Variants in OSBPL11 observed in about 807,000 individuals in gnomAD.
OSBPL11 encodes the protein oxysterol-binding protein-related protein 11.
OSBPL11 carries 33 observed loss-of-function variants against 84.4 expected under a neutral mutation model. The observed-to-expected ratio is 0.39, with a 90% CI of 0.30 to 0.52. The LOEUF is 0.52. Among genes scored for constraint, OSBPL11 ranks in the 20% least tolerant of loss-of-function variants. OSBPL11 has a pLI of 0.72. For missense variants in OSBPL11, 736 were observed against 901.1 expected, an observed-to-expected ratio of 0.82 and a Z score of 2.35; for synonymous variants, 276 against 310.2, an observed-to-expected ratio of 0.89 and a Z score of 1.16.
At chr3:125,552,131 ATG>A (rs753284839) in intron 9 of OSBPL11, 48 bp downstream of exon 9, 63 of 950,758 alleles carry the variant, frequency 6.6e-5, no homozygotes, top group Non-Finnish European at 7.5e-5. Context: ...ACATATATAT[ATG>A]TGTGTGTGTA....
In OSBPL11 at chr3:125,560,477, A is replaced by G; in HGVS notation, c.1057T>C (p.Cys353Arg). 1 of 1,605,096 alleles carries G rather than the reference A, an allele frequency of 6.2e-7. No individual in the cohort carries two copies. Among genetic ancestry groups the G allele is most frequent in the East Asian group, 2.2e-5 (1 of 44,552 alleles). ...INADDEIEDT[C>R]DHKEDDLGAV... is the part of the protein sequence containing the mutation. ...CCCAGGTCATCCTCTTTGTGGTCAC[A>G]TGTATCCTCTATCTCATCATCTGCA... The change falls in exon 8 of 13, where the codon TGT (cysteine) becomes CGT (arginine). Residue 353 changes from cysteine to arginine, a missense_variant. Cys to Arg is a radical substitution (Grantham distance 180). Transcript: ENST00000296220.
At position 125,538,643 on chromosome 3, in the gene OSBPL11, G is replaced by A; in HGVS notation, c.1842-10C>T. The A allele has an allele frequency of 1.9e-6, 3 of 1,590,074 alleles. No individual in the cohort carries two copies. Among genetic ancestry groups the A allele is most frequent in the Non-Finnish European group, 2.6e-6 (3 of 1,168,912 alleles). ...TACTTCAGCTGTAACCCTAGAAGCA[G>A]ACAGAAAAGAAAGATATGCTCTAAT... On this transcript the variant is annotated splice_polypyrimidine_tract_variant and intron_variant, in intron 10 of 12. Coordinates refer to ENST00000296220, the MANE Select transcript of OSBPL11 (RefSeq NM_022776.5).
At chr3:125,591,198 C>A (rs1381930686) in intron 1 of OSBPL11, among the ~76,000 whole-genome samples, 8 of 152,212 alleles carry the variant, frequency 5.3e-5, no homozygotes, top group Admixed American at 5.2e-4. Flanking sequence ...CATAATTTGA[C>A]TCCCCAAGTC....
At chr3:125,568,780 G>T (rs1340074323) in intron 5 of OSBPL11, among the ~76,000 whole-genome samples, 1 of 152,180 alleles carries the variant, frequency 6.6e-6, no homozygotes, top group Non-Finnish European at 1.5e-5. Context: ...AATGATTGAT[G>T]AGCAAGCCAA....
intron 5 of OSBPL11, among the ~76,000 whole-genome samples, chr3:125,570,662 A>G (rs186946079): frequency 6.6e-5 from 10 of 152,208 alleles, no homozygotes; most frequent in Admixed American, 2.0e-4. Flanking sequence ...GTCTCATGAG[A>G]TCTGATGGTT....
chr3:125,575,389 T>C (rs1936307109), intron 5 of OSBPL11, among the ~76,000 whole-genome samples: 1 of 152,068 alleles, frequency 6.6e-6, no homozygotes. Flanking sequence ...TAAAAGTTTT[T>C]TGTTTGTTTT....
intron 8 of OSBPL11, among the ~76,000 whole-genome samples, chr3:125,558,485 G>A (rs1936026083): frequency 6.6e-6 from 1 of 152,054 alleles, no homozygotes; most frequent in African/African-American, 2.4e-5. Flanking sequence ...TGCTTCTTAT[G>A]CTTTCTATTT....
At chr3:125,531,801 G>A in intron 12 of OSBPL11, 60 bp downstream of exon 12, 2 of 1,473,442 alleles carry the variant, frequency 1.4e-6, no homozygotes, top group Non-Finnish European at 9.1e-7. Context: ...ACAAAGCCTA[G>A]TAAGCTAAAG....
chr3:125,560,841 G>T (rs557013219), intron 7 of OSBPL11, among the ~76,000 whole-genome samples: 5 of 152,144 alleles, frequency 3.3e-5, no homozygotes, highest in Admixed American at 2.0e-4. Flanking sequence ...TGGGATTACA[G>T]GCATGCACCA....
intron 9 of OSBPL11, among the ~76,000 whole-genome samples, chr3:125,548,227 T>C (rs922675758): frequency 2.0e-5 from 3 of 152,126 alleles, no homozygotes; most frequent in Non-Finnish European, 4.4e-5. Context: ...TTTAAGACAA[T>C]GGTATGCTAA....
At chr3:125,562,161 C>T (rs1936088025) in intron 7 of OSBPL11, among the ~76,000 whole-genome samples, 1 of 152,154 alleles carries the variant, frequency 6.6e-6, no homozygotes, top group Non-Finnish European at 1.5e-5. Context: ...CTTCCTTTCT[C>T]TGAATGCCCC....
chr3:125,556,409 C>T (rs1366172935), intron 8 of OSBPL11, among the ~76,000 whole-genome samples: 2 of 152,184 alleles, frequency 1.3e-5, no homozygotes. Context: ...GCTCATTTCC[C>T]CGAAAGAAGC....
intron 5 of OSBPL11, among the ~76,000 whole-genome samples, chr3:125,567,992 TAA>T (rs35693186): frequency 4.2e-4 from 49 of 117,726 alleles, no homozygotes; most frequent in Admixed American, 7.1e-4. Flanking sequence ...AAACCCCGTC[TAA>T]AAAAAAAAAA....
chr3:125,529,040 G>A lies in OSBPL11; in HGVS notation c.*1475C>T, dbSNP rs1935518493. On this transcript the variant is annotated 3_prime_UTR_variant, in exon 13 of 13. Transcript: ENST00000296220. ...TTGTTGAAAAAATTATTGTTTTGCT[G>A]TTTTCATCCTACTAACCTCTTTAAC... The A allele has an allele frequency of 6.6e-6, 1 of 152,564 alleles. No homozygotes were observed. Among genetic ancestry groups the A allele is most frequent in the Non-Finnish European group, 1.5e-5 (1 of 68,024 alleles). The allele number at this position is 152,564 out of a possible 1,614,324, so 9.5% of individuals were successfully genotyped here.
At chr3:125,547,138 G>C (rs970022450) in intron 10 of OSBPL11, among the ~76,000 whole-genome samples, 1 of 152,164 alleles carries the variant, frequency 6.6e-6, no homozygotes, top group Non-Finnish European at 1.5e-5. Context: ...TTGGGCCAGA[G>C]ACTGCATGTT....
At chr3:125,543,276 T>C (rs1935761713) in intron 10 of OSBPL11, among the ~76,000 whole-genome samples, 1 of 151,400 alleles carries the variant, frequency 6.6e-6, no homozygotes, top group African/African-American at 2.4e-5. Context: ...GGATTACAGG[T>C]GCGTGCCACC....
intron 7 of OSBPL11, among the ~76,000 whole-genome samples, chr3:125,562,648 C>A (rs1450684314): frequency 6.6e-6 from 1 of 152,096 alleles, no homozygotes; most frequent in African/African-American, 2.4e-5. Context: ...AGGAGAAGGC[C>A]GGGTGCGGTA....
At chr3:125,569,922 C>G (rs904644367) in intron 5 of OSBPL11, among the ~76,000 whole-genome samples, 2 of 152,160 alleles carry the variant, frequency 1.3e-5, no homozygotes, top group African/African-American at 4.8e-5. Context: ...ATGAGGGGCA[C>G]AGAAGTGGCC....
intron 2 of OSBPL11, among the ~76,000 whole-genome samples, chr3:125,581,695 CAAAA>C (rs1189619626): frequency 0.11 from 7,019 of 63,412 alleles, 137 homozygotes; most frequent in Non-Finnish European, 0.16. Flanking sequence ...GACTCCATCT[CAAAA>C]AAAAAAAAAA....
Sources: gnomAD v4.1 joint callset for allele counts (sites outside exome capture counted in the v4.1 genomes callset) on GRCh38, gnomAD v4.1.1 for gene constraint, MANE v1.5 for transcripts, NCBI Gene and HGNC (gene_info 2026-07-23, HGNC 2026-07-21) for gene names.